Variants in CMIP observed in about 807,000 individuals in gnomAD.
The protein encoded by CMIP is c-Maf inducing protein.
Under a neutral mutation model 97.3 loss-of-function variants are expected in CMIP, and 13 were observed. That is an observed-to-expected ratio of 0.13 (90% confidence interval 0.09 to 0.21). The LOEUF (loss-of-function observed/expected upper bound fraction) is 0.21. Among genes scored for constraint, CMIP ranks in the 10% least tolerant of loss-of-function variants. The pLI is 1.00. For synonymous variants in CMIP, 538 were observed against 436.3 expected (o/e 1.23, Z -2.91); for missense variants, 847 against 1,024.9 (o/e 0.83, Z 2.37).
rs2092555690 is a variant in CMIP at position 81,662,276 on chromosome 16, C to T, written c.744+1330C>T. Among the ~76,000 whole-genome samples, 3 of 152,216 alleles carry T rather than the reference C, an allele frequency of 2.0e-5. No homozygotes were observed. The South Asian group carries it at 6.2e-4, about 32-fold the overall frequency. ...TGATTCTCAAAGTCTGGTTCTAGAACACTGGATATTTGTTGTAGAACAAGA... is the reference window on the plus strand; with the variant it reads ...TGATTCTCAAAGTCTGGTTCTAGAATACTGGATATTTGTTGTAGAACAAGA... On this transcript the variant is annotated intron_variant, in intron 6 of 20. Coordinates refer to ENST00000537098, the MANE Select transcript of CMIP (RefSeq NM_198390.3).
At chr16:81,567,473 A>G (rs1386814905) in intron 1 of CMIP, among the ~76,000 whole-genome samples, 1 of 152,220 alleles carries the variant, frequency 6.6e-6, no homozygotes, top group Non-Finnish European at 1.5e-5. Context: ...TGTGGCCTGG[A>G]GGGAGGCAGA....
At chr16:81,543,935 G>A (rs555514039) in intron 1 of CMIP, among the ~76,000 whole-genome samples, 2 of 152,172 alleles carry the variant, frequency 1.3e-5, no homozygotes, top group African/African-American at 2.4e-5. Context: ...TCGTATTATC[G>A]GGAAAAGGTT....
chr16:81,472,606 G>A (rs942171360), intron 1 of CMIP, among the ~76,000 whole-genome samples: 9 of 152,214 alleles, frequency 5.9e-5, no homozygotes, highest in Non-Finnish European at 2.9e-5. Context: ...ACTGGGGGTG[G>A]CACCCGCAAA....
intron 3 of CMIP, among the ~76,000 whole-genome samples, chr16:81,641,451 G>C (rs142038466): frequency 6.6e-6 from 1 of 152,100 alleles, no homozygotes; most frequent in African/African-American, 2.4e-5. Context: ...CAGCATCTGC[G>C]TGATGATTGG....
intron 1 of CMIP, among the ~76,000 whole-genome samples, chr16:81,549,112 T>A (rs921393816): frequency 2.0e-5 from 3 of 152,202 alleles, no homozygotes; most frequent in Non-Finnish European, 4.4e-5. Context: ...TAGTAGGTAG[T>A]CAGGGAAAGG....
intron 8 of CMIP, among the ~76,000 whole-genome samples, chr16:81,671,711 CAG>C (rs762943774): frequency 4.4e-4 from 67 of 152,356 alleles, no homozygotes; most frequent in African/African-American, 4.3e-4. Context: ...CAAGGCCACT[CAG>C]GGGTTTGAAC....
chr16:81,669,823 G>T (rs1367743988), intron 7 of CMIP, among the ~76,000 whole-genome samples: 1 of 151,970 alleles, frequency 6.6e-6, no homozygotes, highest in African/African-American at 2.4e-5. Context: ...ACCCTCTCTT[G>T]TCCCCCCAGC....
intron 1 of CMIP, among the ~76,000 whole-genome samples, chr16:81,581,897 A>G (rs1423868450): frequency 1.3e-5 from 2 of 152,146 alleles, no homozygotes; most frequent in Non-Finnish European, 2.9e-5. Flanking sequence ...CTCTAAAGAA[A>G]TACCTGAGAC....
At chr16:81,561,053 C>T (rs757504023) in intron 1 of CMIP, among the ~76,000 whole-genome samples, 18 of 152,180 alleles carry the variant, frequency 1.2e-4, no homozygotes, top group Non-Finnish European at 2.6e-4. Flanking sequence ...CTCCTGGGTT[C>T]AAGCAATTCT....
At chr16:81,650,762 G>T (rs2092418865) in intron 3 of CMIP, among the ~76,000 whole-genome samples, 1 of 152,144 alleles carries the variant, frequency 6.6e-6, no homozygotes, top group Non-Finnish European at 1.5e-5. Flanking sequence ...TCCAGGATGG[G>T]TCAGGGTTAC....
intron 1 of CMIP, among the ~76,000 whole-genome samples, chr16:81,596,107 C>T (rs2091551003): frequency 6.6e-6 from 1 of 152,134 alleles, no homozygotes; most frequent in Non-Finnish European, 1.5e-5. Flanking sequence ...AGTATAATCT[C>T]ACTTTTACCA....
intron 14 of CMIP, 143 bp downstream of exon 14, chr16:81,696,810 G>C: frequency 1.5e-6 from 1 of 680,576 alleles, no homozygotes; most frequent in Non-Finnish European, 2.4e-6. Context: ...AGGTGGTGGT[G>C]GTGGTGGTGG....
chr16:81,537,159 G>A (rs537270154), intron 1 of CMIP, among the ~76,000 whole-genome samples: 2 of 152,260 alleles, frequency 1.3e-5, no homozygotes, highest in East Asian at 1.9e-4. Context: ...CCTGCTCACC[G>A]TCCTGGCCGT....
chr16:81,667,802 G>GAGAGAC (rs1567647143), intron 7 of CMIP, among the ~76,000 whole-genome samples: 8 of 93,664 alleles, frequency 8.5e-5, no homozygotes, highest in African/African-American at 4.1e-4. Context: ...GAGAGAGAGT[G>GAGAGAC]TGTGTGTGTG....
intron 3 of CMIP, among the ~76,000 whole-genome samples, chr16:81,648,602 G>A (rs1342144141): frequency 6.6e-6 from 1 of 151,874 alleles, no homozygotes; most frequent in East Asian, 1.9e-4. Flanking sequence ...TGGCCAACAT[G>A]GTGAAGCCCA....
intron 2 of CMIP, among the ~76,000 whole-genome samples, chr16:81,618,285 C>T (rs1371098465): frequency 1.3e-5 from 2 of 152,146 alleles, no homozygotes; most frequent in Admixed American, 6.6e-5. Context: ...AGGCTGTCCG[C>T]ATTCCTTGGC....
intron 1 of CMIP, among the ~76,000 whole-genome samples, chr16:81,446,525 G>A (rs1452719215): frequency 6.6e-6 from 1 of 152,030 alleles, no homozygotes; most frequent in Non-Finnish European, 1.5e-5. Flanking sequence ...TTGGGCCTGA[G>A]GCTTGCCGTG....
chr16:81,686,677 C>G lies in CMIP; in HGVS notation c.1389-5098C>G, dbSNP rs544249099. Among the ~76,000 whole-genome samples the G allele has an allele frequency of 1.9e-4, 29 of 152,264 alleles. 1 individual carries two copies. The South Asian group carries it at 6.0e-3, about 32-fold the overall frequency. On this transcript the variant is annotated intron_variant, in intron 10 of 20. Transcript: ENST00000537098. Reference sequence around the variant, plus strand: ...GTATGATTGGGGTTCTGAAGGCTGCCACTCTATCGTGGGCTTATTTGGAGG... The same window carrying G: ...GTATGATTGGGGTTCTGAAGGCTGCGACTCTATCGTGGGCTTATTTGGAGG...
At chr16:81,564,851 C>G (rs1344861641) in intron 1 of CMIP, among the ~76,000 whole-genome samples, 1 of 152,120 alleles carries the variant, frequency 6.6e-6, no homozygotes, top group Non-Finnish European at 1.5e-5. Flanking sequence ...AATGGATGAG[C>G]ACACAGAGAA....
Sources: gnomAD v4.1 joint callset for allele counts (sites outside exome capture counted in the v4.1 genomes callset) on GRCh38, gnomAD v4.1.1 for gene constraint, MANE v1.5 for transcripts, NCBI Gene and HGNC (gene_info 2026-07-23, HGNC 2026-07-21) for gene names.